NUTM1: variants seen among roughly 807,000 people sequenced by gnomAD.
NUTM1 encodes the protein NUT midline carcinoma family member 1.
A neutral mutation model predicts 88.7 loss-of-function variants in NUTM1; 39 were observed. That is an observed-to-expected ratio of 0.44 (90% confidence interval 0.34 to 0.57). NUTM1 has a LOEUF of 0.57. Ranked by LOEUF, NUTM1 falls within the 20% of genes least tolerant of loss-of-function variation. The pLI is 0.01. For synonymous variants in NUTM1, 494 were observed against 538.0 expected (o/e 0.92, Z 1.13); for missense variants, 1,350 against 1,414.5 (o/e 0.95, Z 0.73).
At chr15:34,345,108 C>T (rs1366389278) in intron 1 of NUTM1, among the ~76,000 whole-genome samples, 9 of 152,074 alleles carry the variant, frequency 5.9e-5, no homozygotes. Flanking sequence ...GAAAAGATAT[C>T]TCAGAGGAAG....
chr15:34,343,640 A>C lies in NUTM1; in HGVS notation c.-57A>C. 2 of 1,535,430 alleles carry C rather than the reference A, an allele frequency of 1.3e-6. No individual in the cohort carries two copies. Among genetic ancestry groups the C allele is most frequent in the Non-Finnish European group, 1.7e-6 (2 of 1,146,658 alleles). On this transcript the variant is annotated 5_prime_UTR_variant, in exon 1 of 8. Transcript: ENST00000537011. ...TTATGAAACTGGTGAAGCATGTTTC[A>C]GCGGTCGAACCAAGATTTAAAGTTA... is the stretch of plus-strand genomic sequence containing the variant.
At chr15:34,350,991 G>A (rs1370703459) in intron 4 of NUTM1, among the ~76,000 whole-genome samples, 159 bp downstream of exon 4, 3 of 151,924 alleles carry the variant, frequency 2.0e-5, no homozygotes, top group South Asian at 2.1e-4. Flanking sequence ...GGCCAAGGCC[G>A]GTGGATCACC....
rs1361948846 is a variant in NUTM1, at chr15:34,353,828, T to C, written c.1031T>C (p.Leu344Pro). Residue 344 changes from leucine to proline, a missense_variant, in exon 5 of 8, where the codon CTT (leucine) becomes CCT (proline). Coordinates refer to ENST00000537011, the MANE Select transcript of NUTM1 (RefSeq NM_001284292.2). ...QGLSPATPLK[L>P]DPLGPLASEV... ...CTGTCTCCTGCAACCCCTTTGAAACTTGATCCTCTAGGGCCCCTGGCCTCT... is the reference window on the plus strand; with the variant it reads ...CTGTCTCCTGCAACCCCTTTGAAACCTGATCCTCTAGGGCCCCTGGCCTCT... 3 of 1,613,962 alleles carry C rather than the reference T, an allele frequency of 1.9e-6. No homozygotes were observed. The highest frequency in any genetic ancestry group is 3.3e-5 in the Admixed American group (2 of 59,990).
intron 4 of NUTM1, 73 bp from the exon 5 acceptor site, chr15:34,353,663 T>C: frequency 6.3e-7 from 1 of 1,576,434 alleles, no homozygotes; most frequent in African/African-American, 1.3e-5. Context: ...TGGCCATGCT[T>C]GGCTGTCGTC....
chr15:34,350,591 TA>T, intron 3 of NUTM1, 112 bp from the exon 4 acceptor site: 2 of 1,338,220 alleles, frequency 1.5e-6, no homozygotes, highest in Non-Finnish European at 2.0e-6. Context: ...CGACAGGCCC[TA>T]AGGGGCACAA....
chr15:34,354,451 A>G lies in NUTM1; in HGVS notation c.1081A>G (p.Ile361Val), dbSNP rs1420084067. 5.0e-6 allele frequency: 8 copies of G among 1,613,716 alleles called. No homozygotes were observed. The highest frequency in any genetic ancestry group is 2.2e-5 in the South Asian group (2 of 91,068). Residue 361 changes from isoleucine to valine, a missense_variant, in exon 6 of 8, where the codon ATT becomes GTT. Ile to Val is a conservative substitution (Grantham distance 29). Transcript: ENST00000537011. ...CTGTCCATCTCTTCCCTTAGTGTAC[A>G]TTCCGAAGAAGGCAGCCTCCAAGAC... ...ASEVCQQPVY[I>V]PKKAASKTRA...
At position 34,357,253 on chromosome 15, in the gene NUTM1, T is replaced by C. The variant is rs776966536; in HGVS notation, c.3245T>C (p.Leu1082Pro). 2.5e-6 allele frequency: 4 copies of C among 1,614,120 alleles called. No individual in the cohort carries two copies. The highest frequency in any genetic ancestry group is 1.7e-5 in the Admixed American group (1 of 60,012). Residue 1082 changes from leucine to proline, a missense_variant, in exon 8 of 8, where the codon CTG (leucine) becomes CCG (proline). Physicochemically the swap from Leu to Pro is moderately conservative, Grantham distance 98 (BLOSUM62 -3). Around this residue, in one of 5 missense-constraint regions of NUTM1, gnomAD observed 730 missense variants for 728.8 expected, o/e 1.00. Transcript: ENST00000537011. ...CAGGGCAGCCAGAGAGCATCCCACC[T>C]GCTCCCTGCTGGAGCAAAAGGCCCC... The part of the protein sequence containing the change: ...GGQGSQRASH[L>P]LPAGAKGPSK...
Position 34,357,202 on chromosome 15 carries a change from T to TCA in NUTM1, c.3195_3196dup (p.Ser1066ThrfsTer41). The stretch of plus-strand genomic sequence containing the variant: ...AGCCTCTCACCAAGGGAGCATCCCC[T>TCA]CAGTCCTCACCATGCCTCAGGAGGT... On this transcript the variant is annotated frameshift_variant, in exon 8 of 8. Coordinates refer to ENST00000537011, the MANE Select transcript of NUTM1 (RefSeq NM_001284292.2). LOFTEE classifies it high-confidence loss of function. The TCA allele has an allele frequency of 1.2e-6, 2 of 1,614,182 alleles. No homozygotes were observed. Among genetic ancestry groups the TCA allele is most frequent in the Non-Finnish European group, 1.7e-6 (2 of 1,180,012 alleles).
chr15:34,343,529 T>C lies in NUTM1; in HGVS notation c.-168T>C. 1 of 1,479,520 alleles carries C rather than the reference T, an allele frequency of 6.8e-7. No homozygotes were observed. The highest frequency in any genetic ancestry group is 2.5e-5 in the East Asian group (1 of 40,228). The allele number at this position is 1,479,520 out of a possible 1,614,324, so 91.6% of individuals were successfully genotyped here. On this transcript the variant is annotated 5_prime_UTR_variant, in exon 1 of 8. Transcript: ENST00000537011. ...CTTCCCTCCCCTCTTTTACATCCAG[T>C]TCCCCTGCTCCATTTCAAAGCGTTG...
chr15:34,349,421 TTTA>T (rs1156767836), intron 3 of NUTM1, among the ~76,000 whole-genome samples: 2 of 152,160 alleles, frequency 1.3e-5, no homozygotes, highest in Non-Finnish European at 2.9e-5. Context: ...TGTCAACTGT[TTTA>T]TTATTATCCT....
In NUTM1 at chr15:34,354,498, G is replaced by T. The variant is rs760917100; in HGVS notation, c.1128G>T (p.Gln376His). ...AGACACGGGCCCCCCGCCGGCGTCA[G>T]CGTAAAGCCCAGAGACCTCCTGCTC... The part of the protein sequence containing the change: ...ASKTRAPRRR[Q>H]RKAQRPPAPE... The change falls in exon 6 of 8, where the codon CAG becomes CAT. Residue 376 changes from glutamine (Q) to histidine (H), a missense_variant. Around this residue, in one of 5 missense-constraint regions of NUTM1, gnomAD observed 89 missense variants for 76.0 expected, o/e 1.17. Transcript: ENST00000537011. 5 of 1,614,210 alleles carry T rather than the reference G, an allele frequency of 3.1e-6. No individual in the cohort carries two copies. The highest frequency in any genetic ancestry group is 4.2e-6 in the Non-Finnish European group (5 of 1,180,042).
Position 34,356,826 on chromosome 15 carries a change from C to A in NUTM1, c.2818C>A (p.Leu940Ile). Residue 940 changes from leucine (L) to isoleucine (I), a missense_variant, in exon 8 of 8, where the codon CTC becomes ATC. Transcript: ENST00000537011. ...ACTAGATGTTAAAGATGACTGTGGCCTCCAACTAAGGGTCAGCGAGGACAC... is the reference window on the plus strand; with the variant it reads ...ACTAGATGTTAAAGATGACTGTGGCATCCAACTAAGGGTCAGCGAGGACAC... ...NILDVKDDCGLQLRVSEDTCP... is the reference protein window; with the variant it reads ...NILDVKDDCGIQLRVSEDTCP... 6.2e-7 allele frequency: 1 copy of A among 1,612,190 alleles called. No homozygotes were observed. The highest frequency in any genetic ancestry group is 8.5e-7 in the Non-Finnish European group (1 of 1,179,700).
intron 6 of NUTM1, 93 bp downstream of exon 6, chr15:34,354,825 C>A: frequency 7.7e-7 from 1 of 1,304,554 alleles, no homozygotes; most frequent in Non-Finnish European, 1.1e-6. Context: ...TGCAGTAGGA[C>A]TTAGGTTTTA....
chr15:34,355,738 G>A lies in NUTM1; in HGVS notation c.1730G>A (p.Gly577Glu), dbSNP rs763263640. 1 of 1,613,948 alleles carries A rather than the reference G, an allele frequency of 6.2e-7. No individual in the cohort carries two copies. Among genetic ancestry groups the A allele is most frequent in the Non-Finnish European group, 8.5e-7 (1 of 1,179,990 alleles). ...GAGCAAGCCCTAGATAGCCCCAGAG[G>A]GATGCACAGGGATGGGAACACTCTG... is the stretch of plus-strand genomic sequence containing the variant. ...GQEQALDSPRGMHRDGNTLPS... is the reference protein window; with the variant it reads ...GQEQALDSPREMHRDGNTLPS... The change falls in exon 8 of 8, where the codon GGG becomes GAG. Residue 577 changes from glycine to glutamate, a missense_variant. Transcript: ENST00000537011. The surrounding 1 kb of genome is among the most constrained non-coding windows in gnomAD (Gnocchi z 4.3).
intron 3 of NUTM1, among the ~76,000 whole-genome samples, chr15:34,350,074 A>G (rs766963828): frequency 1.9e-4 from 29 of 152,292 alleles, no homozygotes; most frequent in Middle Eastern, 3.4e-3. Context: ...CTGATGCCCA[A>G]TAATGTCTGA....
Position 34,356,321 on chromosome 15 carries a change from A to C in NUTM1, c.2313A>C (p.Ile771=). The C allele has an allele frequency of 6.2e-7, 1 of 1,613,934 alleles. No individual in the cohort carries two copies. Among genetic ancestry groups the C allele is most frequent in the Non-Finnish European group, 8.5e-7 (1 of 1,179,972 alleles). The part of the protein sequence containing the change: ...LELPVQIEEV[I]ESFQVEKCVT... ...TGCCTGTACAAATAGAGGAGGTCAT[A>C]GAGAGCTTCCAAGTTGAGAAGTGTG... Residue 771 remains isoleucine, a synonymous_variant, in exon 8 of 8, where the codon ATA becomes ATC. Transcript: ENST00000537011.
chr15:34,343,791 C>G (rs1890530545), intron 1 of NUTM1, 89 bp downstream of exon 1: 8 of 1,195,648 alleles, frequency 6.7e-6, no homozygotes, highest in African/African-American at 1.5e-5. Context: ...TTATAAGACT[C>G]TCGTTTAAAG....
chr15:34,351,485 T>G (rs1185439990), intron 4 of NUTM1, among the ~76,000 whole-genome samples: 2 of 151,942 alleles, frequency 1.3e-5, no homozygotes, highest in African/African-American at 4.8e-5. Flanking sequence ...CCACCTTGAC[T>G]CTTGGGTTTT....
chr15:34,356,470 C>T lies in NUTM1; in HGVS notation c.2462C>T (p.Ala821Val), dbSNP rs367555847. The T allele has an allele frequency of 3.1e-5, 50 of 1,612,768 alleles. No homozygotes were observed. The highest frequency in any genetic ancestry group is 1.6e-4 in the Middle Eastern group (1 of 6,080). The change falls in exon 8 of 8, where the codon GCG becomes GTG. Residue 821 changes from alanine to valine, a missense_variant. Coordinates refer to ENST00000537011, the MANE Select transcript of NUTM1 (RefSeq NM_001284292.2). ...SSVIPCGGTVAAAALEKRNYC... is the reference protein window; with the variant it reads ...SSVIPCGGTVVAAALEKRNYC... ...GTGATTCCCTGTGGAGGCACAGTTG[C>T]GGCAGCTGCCCTAGAAAAGAGAAAC...
Sources: allele counts gnomAD v4.1 joint callset (sites outside exome capture counted in the v4.1 genomes callset), GRCh38; gene constraint gnomAD v4.1.1; regional missense constraint gnomAD v4.1.1; non-coding constraint Gnocchi (gnomAD v3.1); transcripts MANE v1.5; gene names NCBI Gene and HGNC (gene_info 2026-07-23, HGNC 2026-07-21).